The following OR6B3 variants were observed in gnomAD, a reference collection of about 807,000 sequenced individuals.
OR6B3 encodes olfactory receptor family 6 subfamily B member 3, also known as olfactory receptor 6B3.
For synonymous variants in OR6B3, 148 were observed against 187.8 expected (o/e 0.79, Z 1.73); for missense variants, 315 against 427.4 (o/e 0.74, Z 2.32).
exon 2 of OR6B3, chr2:240,045,454 G>C: frequency 6.2e-7 from 1 of 1,614,218 alleles, no homozygotes; most frequent in Non-Finnish European, 8.5e-7. Context: ...GGAAACACCA[G>C]GATGATGAAG....
At chr2:240,052,644 C>T in the OR6B3 span, among the ~76,000 whole-genome samples, 2 of 152,156 alleles carry the variant, frequency 1.3e-5, no homozygotes, top group Non-Finnish European at 2.9e-5. The surrounding 1 kb of genome is among the most constrained non-coding windows in gnomAD (Gnocchi z 4.5). Flanking sequence ...TTCAGATGGA[C>T]AGAGCCTGCG....
chr2:240,050,738 G>T (rs116081297), upstream of OR6B3, among the ~76,000 whole-genome samples: 1 of 60,372 alleles, frequency 1.7e-5, no homozygotes, highest in Non-Finnish European at 2.8e-5. Context: ...AAAAAAAAAA[G>T]GAAAAAAAAA....
At chr2:240,052,893 C>A in the OR6B3 span, among the ~76,000 whole-genome samples, 33 of 152,162 alleles carry the variant, frequency 2.2e-4, no homozygotes, top group South Asian at 4.1e-4. The surrounding 1 kb of genome is among the most constrained non-coding windows in gnomAD (Gnocchi z 4.5). Context: ...CTCACCGCAA[C>A]CTCCGCCTGC....
chr2:240,045,051 A>G (rs1440589872), downstream of OR6B3: 4 of 1,538,276 alleles, frequency 2.6e-6, no homozygotes, highest in East Asian at 4.5e-5. Flanking sequence ...CGGTACTACA[A>G]TAATGCAAAC....
upstream of OR6B3, among the ~76,000 whole-genome samples, chr2:240,049,562 C>T (rs767558170): frequency 1.3e-5 from 2 of 152,202 alleles, no homozygotes; most frequent in Non-Finnish European, 2.9e-5. Context: ...CCGATCAAGA[C>T]TTTCACAGCG....
At chr2:240,049,431 C>G (rs1402945579), upstream of OR6B3, among the ~76,000 whole-genome samples, 1 of 152,154 alleles carries the variant, frequency 6.6e-6, no homozygotes, top group Non-Finnish European at 1.5e-5. Flanking sequence ...ATTATTCATG[C>G]CTGAGGGTAG....
At chr2:240,050,436 C>T (rs1043492830), upstream of OR6B3, among the ~76,000 whole-genome samples, 1 of 152,164 alleles carries the variant, frequency 6.6e-6, no homozygotes, top group Non-Finnish European at 1.5e-5. Flanking sequence ...GGACAGGGGC[C>T]GGGCGCAGTG....
At chr2:240,046,179 G>A (rs940530677) in intron 1 of OR6B3, 82 bp from the exon 3 acceptor site, 2 of 1,022,830 alleles carry the variant, frequency 2.0e-6, no homozygotes, top group Admixed American at 2.7e-5. Flanking sequence ...TGGATAGGGA[G>A]TTTTGGTGTA....
chr2:240,047,595 G>A (rs1698210480), upstream of OR6B3, among the ~76,000 whole-genome samples: 1 of 152,140 alleles, frequency 6.6e-6, no homozygotes, highest in African/African-American at 2.4e-5. Flanking sequence ...CCCTTTTTCT[G>A]TGTTTTGAAT....
chr2:240,050,669 G>A (rs1463555594), upstream of OR6B3, among the ~76,000 whole-genome samples: 4 of 148,790 alleles, frequency 2.7e-5, no homozygotes, highest in Non-Finnish European at 4.4e-5. Flanking sequence ...GGCGGAGATG[G>A]CATCACTGCA....
chr2:240,044,915 C>T (rs116592175), downstream of OR6B3, among the ~76,000 whole-genome samples: 6,763 of 152,328 alleles, frequency 0.044, 166 homozygotes, highest in Non-Finnish European at 0.057. Context: ...TACAGCTTTG[C>T]TCATCTACAA....
chr2:240,045,160 A>C, exon 2 of OR6B3: 1 of 1,614,230 alleles, frequency 6.2e-7, no homozygotes, highest in Non-Finnish European at 8.5e-7. Flanking sequence ...GTCAAGCCGA[A>C]GGCTTTTTTC....
upstream of OR6B3, among the ~76,000 whole-genome samples, chr2:240,047,346 A>G (rs957495950): frequency 6.6e-6 from 1 of 152,190 alleles, no homozygotes; most frequent in Admixed American, 6.5e-5. Flanking sequence ...TATGAACACT[A>G]TGTGGTCACT....
chr2:240,050,052 C>T (rs1698236089), upstream of OR6B3, among the ~76,000 whole-genome samples: 1 of 149,016 alleles, frequency 6.7e-6, no homozygotes, highest in East Asian at 2.0e-4. Flanking sequence ...AAGAAAGCAC[C>T]CCAAACTAAC....
At chr2:240,051,143 G>A (rs1325218556), upstream of OR6B3, among the ~76,000 whole-genome samples, 2 of 152,270 alleles carry the variant, frequency 1.3e-5, no homozygotes, top group African/African-American at 4.8e-5. Flanking sequence ...GAAAATATGA[G>A]CATGCAACGC....
At chr2:240,047,442 T>C (rs1698206901), upstream of OR6B3, among the ~76,000 whole-genome samples, 1 of 152,170 alleles carries the variant, frequency 6.6e-6, no homozygotes, top group African/African-American at 2.4e-5. Context: ...ACAGCACTGA[T>C]CGTATGCCTC....
the OR6B3 span, among the ~76,000 whole-genome samples, chr2:240,052,728 C>T: frequency 3.3e-5 from 5 of 152,368 alleles, no homozygotes; most frequent in East Asian, 9.6e-4. This position sits in a 1 kb window ranked among gnomAD's most constrained non-coding sequence, Gnocchi z 4.5. Flanking sequence ...AAGCTGGAAG[C>T]CCGTGGGCCC....
chr2:240,045,542 G>T lies in OR6B3; in HGVS notation c.531C>A (p.Phe177Leu), dbSNP rs769054177. ...TGAGGATGGGGGAAATGTCACAGAAGAAGTGGTTCAAGACGTTGGAGCCAC... is the reference window on the plus strand; with the variant it reads ...TGAGGATGGGGGAAATGTCACAGAATAAGTGGTTCAAGACGTTGGAGCCAC... Residue 177 changes from phenylalanine to leucine, a missense_variant, in exon 2 of 2, where the codon TTC becomes TTA. Physicochemically the swap from Phe to Leu is conservative, Grantham distance 22 (BLOSUM62 0). Transcript: ENST00000641019. The T allele has an allele frequency of 1.3e-6, 2 of 1,583,544 alleles. No individual in the cohort carries two copies. Among genetic ancestry groups the T allele is most frequent in the Non-Finnish European group, 1.7e-6 (2 of 1,152,510 alleles).
At chr2:240,045,801 C>A (rs749990375) in exon 2 of OR6B3, 20 of 1,556,804 alleles carry the variant, frequency 1.3e-5, no homozygotes, top group Admixed American at 5.0e-5. Flanking sequence ...GAAAGAGATG[C>A]GTTTCTGCTG....
Sources: gnomAD v4.1 joint callset for allele counts (sites outside exome capture counted in the v4.1 genomes callset) on GRCh38, gnomAD v4.1.1 for gene constraint, Gnocchi (gnomAD v3.1) non-coding constraint, MANE v1.5 for transcripts, NCBI Gene and HGNC (gene_info 2026-07-23, HGNC 2026-07-21) for gene names.